Variants in NCAPD3 observed in about 807,000 individuals in gnomAD.
NCAPD3 encodes the protein non-SMC condensin II complex subunit D3.
A neutral mutation model predicts 182.9 loss-of-function variants in NCAPD3; 105 were observed. The observed-to-expected ratio is 0.57, with a 90% CI of 0.49 to 0.68. The LOEUF is 0.68. Ranked by LOEUF, NCAPD3 falls within the 30% of genes least tolerant of loss-of-function variation. The probability of loss-of-function intolerance (pLI) is 0.00; values close to 1 mark genes in which losing one functional copy is unlikely to be tolerated. For missense variants in NCAPD3, 1,944 were observed against 1,837.0 expected (o/e 1.06, Z -1.07); for synonymous variants, 815 against 679.9 (o/e 1.20, Z -3.09).
chr11:134,157,884 T>A, intron 31 of NCAPD3, 44 bp downstream of exon 31: 1 of 1,561,720 alleles, frequency 6.4e-7, no homozygotes, highest in Non-Finnish European at 8.7e-7. Context: ...TGTGTTTTCA[T>A]CTGTAAATGC....
At chr11:134,180,750 C>T (rs1198706162) in intron 20 of NCAPD3, among the ~76,000 whole-genome samples, 1 of 152,164 alleles carries the variant, frequency 6.6e-6, no homozygotes, top group Non-Finnish European at 1.5e-5. Flanking sequence ...ACTATACTCA[C>T]ATTATTATTT....
chr11:134,153,166 G>C lies in NCAPD3; in HGVS notation c.4362C>G (p.Ile1454Met), dbSNP rs749352511. 10 of 1,613,990 alleles carry C rather than the reference G, an allele frequency of 6.2e-6. No individual in the cohort carries two copies. ...GTTTATCAGGCAGTGATAAACATAAGATGTCATTTCCTTGACTCCGGCCTT... is the reference window on the plus strand; with the variant it reads ...GTTTATCAGGCAGTGATAAACATAACATGTCATTTCCTTGACTCCGGCCTT... ...KIEGRSQGND[I>M]LCLSLPDKPP... is the part of the protein sequence containing the mutation. Residue 1454 changes from isoleucine (I) to methionine (M), a missense_variant, in exon 34 of 35, where the codon ATC (isoleucine) becomes ATG (methionine). By Grantham distance (10) the Ile-to-Met change is conservative. Coordinates refer to ENST00000534548, the MANE Select transcript of NCAPD3 (RefSeq NM_015261.3).
In NCAPD3 at chr11:134,168,932, A is replaced by T. The variant is rs771716391; in HGVS notation, c.3224T>A (p.Phe1075Tyr). The change falls in exon 25 of 35, where the codon TTC becomes TAC. Residue 1075 changes from phenylalanine to tyrosine, a missense_variant. Phe to Tyr is a conservative substitution (Grantham distance 22). Transcript: ENST00000534548. ...CTTCACTGACCTCTCTGACTGGGGG[A>T]ACTTGTTGTACTTCTCATGCTTCTC... ...NYEKHEKYNK[F>Y]PQSEREKRLF... is the part of the protein sequence containing the mutation. 1.2e-6 allele frequency: 2 copies of T among 1,613,536 alleles called. No homozygotes were observed. The highest frequency in any genetic ancestry group is 1.7e-6 in the Non-Finnish European group (2 of 1,179,712).
chr11:134,208,753 A>G (rs2136018275), intron 7 of NCAPD3, 111 bp downstream of exon 7: 2 of 712,236 alleles, frequency 2.8e-6, no homozygotes, highest in Admixed American at 5.8e-5. Context: ...CATGAAAATG[A>G]GCTAGTAAAT....
chr11:134,184,517 C>T (rs536806894), intron 19 of NCAPD3, 120 bp downstream of exon 19: 48 of 660,666 alleles, frequency 7.3e-5, no homozygotes, highest in African/African-American at 6.6e-4. Context: ...GCAATAGCTG[C>T]GGGGGACATC....
chr11:134,152,201 G>A lies in NCAPD3; in HGVS notation c.*743C>T, dbSNP rs1030278441. On this transcript the variant is annotated 3_prime_UTR_variant, in exon 35 of 35. Transcript: ENST00000534548. ...GAGGGCTGCACAAATCGGCAGTGCT[G>A]CTCTGGGGAAGGCTGCAAAGCCATT... Among the ~76,000 whole-genome samples, 1 of 152,260 alleles carries A rather than the reference G, an allele frequency of 6.6e-6. No homozygotes were observed. The highest frequency in any genetic ancestry group is 2.1e-4 in the South Asian group (1 of 4,836).
intron 28 of NCAPD3, 131 bp from the exon 29 acceptor site, chr11:134,160,205 AAAGTT>A (rs776122148): frequency 9.2e-6 from 8 of 867,986 alleles, no homozygotes; most frequent in South Asian, 3.8e-5. Context: ...ACGCAAAATA[AAAGTT>A]AAGAAAGAAA....
intron 14 of NCAPD3, 143 bp from the exon 15 acceptor site, chr11:134,194,293 C>G (rs1357669010): frequency 2.5e-6 from 2 of 802,894 alleles, no homozygotes; most frequent in African/African-American, 3.5e-5. Context: ...CTCACAACAT[C>G]CCATTTTTCA....
chr11:134,158,465 G>A lies in NCAPD3; in HGVS notation c.3898C>T (p.Pro1300Ser). Residue 1300 changes from proline to serine, a missense_variant, in exon 30 of 35, where the codon CCT becomes TCT. Around this residue, in one of 3 missense-constraint regions of NCAPD3, gnomAD observed 1,803 missense variants for 1,674.6 expected, o/e 1.08. Transcript: ENST00000534548. Reference sequence around the variant, plus strand: ...ATGGCAGGGTTTTCTTGGCCAGCAGGAACTGGCACTGTTTCTAAACACAGG... The same window carrying A: ...ATGGCAGGGTTTTCTTGGCCAGCAGAAACTGGCACTGTTTCTAAACACAGG... The part of the protein sequence containing the change: ...VALCLETVPV[P>S]AGQENPAMSP... The A allele has an allele frequency of 1.2e-6, 2 of 1,614,078 alleles. No individual in the cohort carries two copies. The highest frequency in any genetic ancestry group is 2.2e-5 in the South Asian group (2 of 91,082).
intron 24 of NCAPD3, among the ~76,000 whole-genome samples, chr11:134,171,595 C>T (rs1226467658): frequency 1.3e-5 from 2 of 152,140 alleles, no homozygotes; most frequent in African/African-American, 2.4e-5. Flanking sequence ...CAGAATTCTA[C>T]CTGAGGCTTG....
rs11223716 is a variant in NCAPD3, at chr11:134,150,327, T to G, written c.*2617A>C. The G allele has an allele frequency of 0.28, 41,933 of 152,264 alleles. 6,838 individuals carry two copies. The highest frequency in any genetic ancestry group is 0.46 in the East Asian group (2,382 of 5,174). 9.4% of individuals were successfully genotyped at this position (152,264 alleles called of 1,614,324 possible). On this transcript the variant is annotated 3_prime_UTR_variant, in exon 35 of 35. Transcript: ENST00000534548. ...TCTTCCTGAGATGACTAGGACAGTC[T>G]GTACCCAGAGGCCACCCAGAAGCCC...
At position 134,151,616 on chromosome 11, in the gene NCAPD3, C is replaced by G. The variant is rs1332554322; in HGVS notation, c.*1328G>C. On this transcript the variant is annotated 3_prime_UTR_variant, in exon 35 of 35. Transcript: ENST00000534548. Reference sequence around the variant, plus strand: ...TGTATTTTAAGATATGAATGTGACTCAAGACTCGAGGCCGATACGAGGCTG... The same window carrying G: ...TGTATTTTAAGATATGAATGTGACTGAAGACTCGAGGCCGATACGAGGCTG... 1 of 152,168 alleles carries G rather than the reference C, an allele frequency of 6.6e-6. No homozygotes were observed. The highest frequency in any genetic ancestry group is 1.9e-4 in the East Asian group (1 of 5,186). 9.4% of individuals were successfully genotyped at this position (152,168 alleles called of 1,614,324 possible).
At chr11:134,155,580 C>T (rs563581123) in intron 32 of NCAPD3, among the ~76,000 whole-genome samples, 82 of 152,302 alleles carry the variant, frequency 5.4e-4, no homozygotes, top group African/African-American at 1.7e-3. Flanking sequence ...GAACCCTCCA[C>T]GCCAGGCTGC....
chr11:134,177,477 G>A lies in NCAPD3; in HGVS notation c.2783-20C>T. ...GCTTACCTGGCACAGAAGACAGGAA[G>A]ATGTCTCAACTGTATTCTAAATCCT... On this transcript the variant is annotated intron_variant, in intron 22 of 34. Transcript: ENST00000534548. The A allele has an allele frequency of 6.3e-7, 1 of 1,593,260 alleles. No individual in the cohort carries two copies. Among genetic ancestry groups the A allele is most frequent in the Non-Finnish European group, 8.6e-7 (1 of 1,162,360 alleles).
Position 134,152,652 on chromosome 11 carries a change from T to G in NCAPD3, c.*292A>C, listed in dbSNP as rs1943283961. On this transcript the variant is annotated 3_prime_UTR_variant, in exon 35 of 35. Coordinates refer to ENST00000534548, the MANE Select transcript of NCAPD3 (RefSeq NM_015261.3). ...AAGTTGTGTTCCTTAAAGACCAGAT[T>G]ATAGCTTATCTGAATGGGCTTGACA... The G allele has an allele frequency of 3.5e-6, 1 of 285,248 alleles. No homozygotes were observed. 17.7% of individuals were successfully genotyped at this position (285,248 alleles called of 1,614,324 possible). A position where few individuals can be genotyped will look rare whatever the true frequency, so the allele number is the denominator to read the frequency against.
Position 134,204,008 on chromosome 11 carries a change from A to T in NCAPD3, c.1215+38T>A. The T allele has an allele frequency of 1.2e-6, 2 of 1,605,202 alleles. No homozygotes were observed. The highest frequency in any genetic ancestry group is 1.7e-6 in the Non-Finnish European group (2 of 1,176,042). The stretch of plus-strand genomic sequence containing the variant: ...AAAGAGACCCTTTTAAAAAGAGTTT[A>T]AAAAGGACCCAAGGTTTTATGCAGA... On this transcript the variant is annotated intron_variant, in intron 10 of 34. Coordinates refer to ENST00000534548, the MANE Select transcript of NCAPD3 (RefSeq NM_015261.3). This position sits in a 1 kb window ranked among gnomAD's most constrained non-coding sequence, Gnocchi z 4.3.
chr11:134,195,932 C>T lies in NCAPD3; in HGVS notation c.1616-1194G>A, dbSNP rs115150113. On this transcript the variant is annotated intron_variant, in intron 13 of 34. Transcript: ENST00000534548. ...GTGTGGAAGGCAAATGAACACTGCA[C>T]TCATTTTTACTTCAAGGACCCCTGA... Among the ~76,000 whole-genome samples the T allele has an allele frequency of 4.2e-3, 636 of 152,214 alleles. 4 individuals are homozygous for T. Among genetic ancestry groups the T allele is most frequent in the African/African-American group, 0.015 (609 of 41,544 alleles).
At position 134,202,882 on chromosome 11, in the gene NCAPD3, A is replaced by C; in HGVS notation, c.1549T>G (p.Ser517Ala). ...SSAFSYQRQT[S>A]NRSEPSGEIN... The stretch of plus-strand genomic sequence containing the variant: ...TCCCCTGAGGGTTCGGAACGGTTAG[A>C]TGTCTGCCTTTGGTAGGAAAAAGCT... Residue 517 changes from serine (S) to alanine (A), a missense_variant, in exon 13 of 35, where the codon TCT becomes GCT. This residue lies in a region of NCAPD3 where 1,803 missense variants were observed against 1,674.6 expected (regional missense o/e 1.08). Transcript: ENST00000534548. 6.2e-7 allele frequency: 1 copy of C among 1,604,272 alleles called. No individual in the cohort carries two copies. The highest frequency in any genetic ancestry group is 1.1e-5 in the South Asian group (1 of 88,332).
At chr11:134,160,841 A>G (rs569080986) in intron 28 of NCAPD3, among the ~76,000 whole-genome samples, 1 of 152,184 alleles carries the variant, frequency 6.6e-6, no homozygotes, top group East Asian at 1.9e-4. Context: ...CAAGCTACTG[A>G]CAACAAGCAA....
Sources: gnomAD v4.1 joint callset for allele counts (sites outside exome capture counted in the v4.1 genomes callset) on GRCh38, gnomAD v4.1.1 for gene constraint, gnomAD v4.1.1 regional missense constraint, Gnocchi (gnomAD v3.1) non-coding constraint, MANE v1.5 for transcripts, NCBI Gene and HGNC (gene_info 2026-07-23, HGNC 2026-07-21) for gene names.